Variants in PCDH15 observed in about 807,000 individuals in gnomAD.
The protein encoded by PCDH15 is protocadherin related 15, also known as protocadherin-15.
In PCDH15, 129 loss-of-function variants were observed where a neutral mutation model predicts 178.5. That is an observed-to-expected ratio of 0.72 (90% CI 0.63 to 0.84). PCDH15 has a LOEUF of 0.84. Ranked by LOEUF, PCDH15 falls within the 40% of genes least tolerant of loss-of-function variation. The pLI is 0.00. For synonymous variants in PCDH15, 800 were observed against 732.0 expected, an observed-to-expected ratio of 1.09 and a Z score of -1.50; for missense variants, 2,230 against 2,099.9, an observed-to-expected ratio of 1.06 and a Z score of -1.21.
intron 2 of PCDH15, among the ~76,000 whole-genome samples, chr10:55,577,951 G>A (rs1382371931): frequency 6.7e-6 from 1 of 150,148 alleles, no homozygotes; most frequent in Non-Finnish European, 1.5e-5. Context: ...TTAAAGTTAG[G>A]AGAGAGAGAG....
chr10:54,000,649 A>T (rs1349958200), intron 20 of PCDH15, among the ~76,000 whole-genome samples: 2 of 17,608 alleles, frequency 1.1e-4, no homozygotes, highest in African/African-American at 2.4e-4. Flanking sequence ...GAGGCAAGAG[A>T]AAAAAAAGAA....
chr10:53,941,298 C>G (rs1250666841), intron 23 of PCDH15, among the ~76,000 whole-genome samples: 1 of 152,084 alleles, frequency 6.6e-6, no homozygotes, highest in Non-Finnish European at 1.5e-5. Flanking sequence ...TCTCACTGTT[C>G]TGAAAATCCT....
intron 1 of PCDH15, among the ~76,000 whole-genome samples, chr10:55,317,808 A>G (rs1285995940): frequency 6.6e-6 from 1 of 152,182 alleles, no homozygotes; most frequent in East Asian, 1.9e-4. Flanking sequence ...ACAGTTTTAC[A>G]CATGGCTGAA....
At chr10:55,479,006 C>T (rs1181600027) in intron 2 of PCDH15, among the ~76,000 whole-genome samples, 1 of 149,640 alleles carries the variant, frequency 6.7e-6, no homozygotes, top group Admixed American at 6.7e-5. Context: ...AAGAGTCTCC[C>T]ATAAGAGAAA....
At chr10:54,762,403 AAAT>A (rs1269320760) in intron 1 of PCDH15, among the ~76,000 whole-genome samples, 1 of 152,168 alleles carries the variant, frequency 6.6e-6, no homozygotes, top group Non-Finnish European at 1.5e-5. Flanking sequence ...GCAATATCTC[AAAT>A]AATAACTAGT....
intron 9 of PCDH15, among the ~76,000 whole-genome samples, chr10:54,229,073 C>A (rs915745531): frequency 2.6e-5 from 4 of 152,082 alleles, no homozygotes; most frequent in African/African-American, 9.7e-5. Context: ...AATATCTCTG[C>A]AAATAAACCT....
intron 8 of PCDH15, among the ~76,000 whole-genome samples, chr10:54,241,765 G>A (rs1157525124): frequency 6.6e-6 from 1 of 151,894 alleles, no homozygotes; most frequent in East Asian, 1.9e-4. Context: ...TAAGTAAAGT[G>A]AATTAGGTCC....
chr10:54,436,188 A>C (rs2075408168), intron 3 of PCDH15, among the ~76,000 whole-genome samples: 1 of 152,016 alleles, frequency 6.6e-6, no homozygotes, highest in Non-Finnish European at 1.5e-5. Flanking sequence ...AAAGAAGTTC[A>C]GCAATGGAAA....
At chr10:55,379,834 G>T (rs559304594) in intron 2 of PCDH15, among the ~76,000 whole-genome samples, 1 of 152,148 alleles carries the variant, frequency 6.6e-6, no homozygotes, top group South Asian at 2.1e-4. Context: ...ACAATATTAG[G>T]AAACATAGCT....
intron 2 of PCDH15, among the ~76,000 whole-genome samples, chr10:55,520,364 G>A (rs1841144955): frequency 7.6e-6 from 1 of 130,850 alleles, no homozygotes; most frequent in African/African-American, 2.9e-5. Context: ...ATTGTCACAT[G>A]GCAAAACTCA....
At chr10:55,024,339 A>G (rs1840422031) in intron 2 of PCDH15, among the ~76,000 whole-genome samples, 1 of 148,146 alleles carries the variant, frequency 6.8e-6, no homozygotes, top group African/African-American at 2.5e-5. Flanking sequence ...TCCCATATAT[A>G]GGAAGAAATA....
At chr10:55,250,837 T>C (rs2132223415) in intron 1 of PCDH15, among the ~76,000 whole-genome samples, 1 of 152,156 alleles carries the variant, frequency 6.6e-6, no homozygotes, top group South Asian at 2.1e-4. Flanking sequence ...GCCCAGCCAA[T>C]AAATTCTTAT....
chr10:53,913,193 G>A (rs938740232), intron 25 of PCDH15, among the ~76,000 whole-genome samples: 1 of 152,120 alleles, frequency 6.6e-6, no homozygotes, highest in Non-Finnish European at 1.5e-5. Context: ...AATGGGGAAA[G>A]GATTCCCTAT....
At chr10:54,087,962 C>A (rs527457104) in intron 16 of PCDH15, among the ~76,000 whole-genome samples, 41 of 152,234 alleles carry the variant, frequency 2.7e-4, no homozygotes, top group African/African-American at 9.4e-4. Flanking sequence ...ATGTGAAGCG[C>A]TGACTCCCCG....
chr10:54,794,115 G>GATATATATAAGATATATATATATCTT (rs1951717806), intron 1 of PCDH15, among the ~76,000 whole-genome samples: 1 of 144,514 alleles, frequency 6.9e-6, no homozygotes, highest in African/African-American at 2.5e-5. Context: ...TTTCCTTTAA[G>GATATATATAAGATATATATATATCTT]ATATATATAA....
intron 18 of PCDH15, among the ~76,000 whole-genome samples, chr10:54,050,040 T>G (rs80306018): frequency 0.021 from 3,144 of 152,226 alleles, 115 homozygotes; most frequent in African/African-American, 0.071. Flanking sequence ...TAACTGTGCA[T>G]TTACCAGATT....
At chr10:54,061,525 C>CTT (rs567880221) in intron 18 of PCDH15, among the ~76,000 whole-genome samples, 4 of 147,844 alleles carry the variant, frequency 2.7e-5, no homozygotes, top group Non-Finnish European at 6.0e-5. Flanking sequence ...TTTTTATTTC[C>CTT]TTTTTTTTTT....
intron 2 of PCDH15, among the ~76,000 whole-genome samples, chr10:55,608,568 C>G (rs1258460809): frequency 6.6e-6 from 1 of 151,776 alleles, no homozygotes. Flanking sequence ...ATATCTGTTA[C>G]CAAAACACCA....
intron 1 of PCDH15, among the ~76,000 whole-genome samples, chr10:55,268,849 C>G (rs373727723): frequency 1.2e-4 from 19 of 152,054 alleles, no homozygotes; most frequent in African/African-American, 4.6e-4. Flanking sequence ...CTCATTTTTT[C>G]TTACTATTAT....
Sources: allele counts gnomAD v4.1 joint callset (sites outside exome capture counted in the v4.1 genomes callset), GRCh38; gene constraint gnomAD v4.1.1; transcripts MANE v1.5; gene names NCBI Gene and HGNC (gene_info 2026-07-23, HGNC 2026-07-21).